Variants in CNTNAP2 observed in about 807,000 individuals in gnomAD.
CNTNAP2 encodes contactin associated protein 2.
Under a neutral mutation model 155.2 loss-of-function variants are expected in CNTNAP2, and 98 were observed. The ratio of observed to expected loss-of-function variants is 0.63; its 90% CI spans 0.54 to 0.75. The LOEUF is 0.75. Among genes scored for constraint, CNTNAP2 ranks in the 30% least tolerant of loss-of-function variants. The pLI is 0.00. For synonymous variants in CNTNAP2, 651 were observed against 631.2 expected, an observed-to-expected ratio of 1.03 and a Z score of -0.47; for missense variants, 1,727 against 1,688.1, an observed-to-expected ratio of 1.02 and a Z score of -0.40.
chr7:146,255,945 A>T (rs111449177), intron 1 of CNTNAP2, among the ~76,000 whole-genome samples: 6,319 of 152,294 alleles, frequency 0.041, 404 homozygotes, highest in African/African-American at 0.14. Flanking sequence ...CCTCCCTTCT[A>T]AATTTTGACT....
chr7:147,026,831 T>C (rs1223302310), intron 3 of CNTNAP2, among the ~76,000 whole-genome samples: 1 of 151,394 alleles, frequency 6.6e-6, no homozygotes, highest in Non-Finnish European at 1.5e-5. Context: ...AAATAAGCTC[T>C]CTACTTCTTT....
intron 15 of CNTNAP2, among the ~76,000 whole-genome samples, chr7:147,992,475 A>G (rs563407769): frequency 1.3e-5 from 2 of 152,314 alleles, no homozygotes; most frequent in South Asian, 2.1e-4. Flanking sequence ...CATAGGAAAT[A>G]GTGCATTTGA....
chr7:148,231,407 T>C (rs959971020), intron 20 of CNTNAP2, among the ~76,000 whole-genome samples: 3 of 152,322 alleles, frequency 2.0e-5, no homozygotes, highest in East Asian at 1.9e-4. Flanking sequence ...AGTAATTTGT[T>C]GGGGAAAATT....
intron 12 of CNTNAP2, among the ~76,000 whole-genome samples, chr7:147,617,080 C>T (rs887257815): frequency 6.6e-6 from 1 of 152,028 alleles, no homozygotes; most frequent in African/African-American, 2.4e-5. Flanking sequence ...TACAGAATCC[C>T]TCTTGTCTCC....
chr7:147,470,793 G>A (rs1196146341), intron 10 of CNTNAP2, among the ~76,000 whole-genome samples: 1 of 152,080 alleles, frequency 6.6e-6, no homozygotes, highest in African/African-American at 2.4e-5. Context: ...CAGATGAGGT[G>A]GGGTGGAGGG....
At chr7:147,308,082 C>T (rs1046479278) in intron 9 of CNTNAP2, among the ~76,000 whole-genome samples, 2 of 152,034 alleles carry the variant, frequency 1.3e-5, no homozygotes, top group African/African-American at 4.8e-5. Flanking sequence ...GCCAGAGAAA[C>T]CTTTGATTAA....
At chr7:148,128,403 A>T (rs1804758398) in intron 16 of CNTNAP2, among the ~76,000 whole-genome samples, 3 of 152,254 alleles carry the variant, frequency 2.0e-5, no homozygotes, top group African/African-American at 7.2e-5. Flanking sequence ...ACTTGTGATT[A>T]AAAAGAAATT....
intron 15 of CNTNAP2, among the ~76,000 whole-genome samples, chr7:148,024,080 G>A (rs1802332192): frequency 1.3e-5 from 2 of 148,646 alleles, no homozygotes; most frequent in Middle Eastern, 3.2e-3. Flanking sequence ...CTATATCCTT[G>A]GGAGTACAAT....
At chr7:148,022,377 G>C (rs1182389948) in intron 15 of CNTNAP2, among the ~76,000 whole-genome samples, 1 of 151,536 alleles carries the variant, frequency 6.6e-6, no homozygotes, top group African/African-American at 2.4e-5. Context: ...GCTGAGGCAG[G>C]AGAATTGCTT....
intron 1 of CNTNAP2, among the ~76,000 whole-genome samples, chr7:146,702,887 CA>C (rs1563195309): frequency 6.6e-6 from 1 of 152,116 alleles, no homozygotes; most frequent in Non-Finnish European, 1.5e-5. Flanking sequence ...AAGACAAGTT[CA>C]TTTCCAACCA....
intron 1 of CNTNAP2, among the ~76,000 whole-genome samples, chr7:146,657,203 A>T (rs1467060959): frequency 2.6e-5 from 4 of 152,168 alleles, no homozygotes; most frequent in African/African-American, 9.7e-5. Context: ...TCCTTAACTA[A>T]TCCACCAATA....
At chr7:147,606,562 T>A (rs377666548) in intron 12 of CNTNAP2, among the ~76,000 whole-genome samples, 7 of 152,208 alleles carry the variant, frequency 4.6e-5, no homozygotes, top group African/African-American at 1.7e-4. Flanking sequence ...TTTCATTAAC[T>A]CAGCAAGTAT....
At chr7:147,576,865 T>G (rs1052181251) in intron 12 of CNTNAP2, among the ~76,000 whole-genome samples, 1 of 152,034 alleles carries the variant, frequency 6.6e-6, no homozygotes, top group Non-Finnish European at 1.5e-5. Context: ...AACCCCCCTA[T>G]GAAGTGTGGG....
In CNTNAP2 at chr7:146,371,985, A is replaced by G. The variant is rs186778697; in HGVS notation, c.97+255012A>G. ...AAAAAAAAAAAAGAAAAAATTGCAT[A>G]TATAAATTTTTAAAAATATGTTATC... is the stretch of plus-strand genomic sequence containing the variant. On this transcript the variant is annotated intron_variant, in intron 1 of 23. Coordinates refer to ENST00000361727, the MANE Select transcript of CNTNAP2 (RefSeq NM_014141.6). 9.3e-3 allele frequency among the ~76,000 whole-genome samples: 1,411 copies of G among 151,852 alleles called. 22 individuals carry two copies. Among genetic ancestry groups the G allele is most frequent in the African/African-American group, 0.031 (1,295 of 41,356 alleles).
rs754206818 is a variant in CNTNAP2, at chr7:146,835,954, C to T, written c.209-3757C>T. On this transcript the variant is annotated intron_variant, in intron 2 of 23. Transcript: ENST00000361727. ...TTTTTATAGCCCCAGGTTGACCAGT[C>T]GTTGCAGTTGCACAACCCCATGAAG... Among the ~76,000 whole-genome samples the T allele has an allele frequency of 5.9e-5, 9 of 152,082 alleles. 1 individual carries two copies. The highest frequency in any genetic ancestry group is 8.8e-5 in the Non-Finnish European group (6 of 68,014).
chr7:147,202,384 A>C (rs1050427627), intron 8 of CNTNAP2, among the ~76,000 whole-genome samples: 1 of 152,320 alleles, frequency 6.6e-6, no homozygotes, highest in Non-Finnish European at 1.5e-5. Flanking sequence ...CAATGAGATT[A>C]TGCATGATTC....
intron 2 of CNTNAP2, among the ~76,000 whole-genome samples, chr7:146,836,801 AAAGTG>A (rs1803626638): frequency 6.6e-6 from 1 of 152,156 alleles, no homozygotes; most frequent in Admixed American, 6.5e-5. Context: ...TATACACATA[AAAGTG>A]ATGAATTCTC....
At chr7:146,846,246 C>T (rs1176899495) in intron 3 of CNTNAP2, among the ~76,000 whole-genome samples, 1 of 152,084 alleles carries the variant, frequency 6.6e-6, no homozygotes, top group South Asian at 2.1e-4. Flanking sequence ...TTCCTGCTGC[C>T]ATCAGTTATT....
intron 13 of CNTNAP2, among the ~76,000 whole-genome samples, chr7:147,642,015 T>TGC (rs1795287992): frequency 6.6e-6 from 1 of 151,078 alleles, no homozygotes; most frequent in African/African-American, 2.5e-5. Flanking sequence ...TGTGTGCGTG[T>TGC]GTGTGTGTGT....
Sources: gnomAD v4.1 joint callset for allele counts (sites outside exome capture counted in the v4.1 genomes callset) on GRCh38, gnomAD v4.1.1 for gene constraint, MANE v1.5 for transcripts, NCBI Gene and HGNC (gene_info 2026-07-23, HGNC 2026-07-21) for gene names.